DAW1: variants seen among roughly 807,000 people sequenced by gnomAD.
DAW1 encodes the protein dynein assembly factor with WD repeat domains 1.
DAW1 carries 47 observed loss-of-function variants against 56.5 expected under a neutral mutation model. That is an observed-to-expected ratio of 0.83 (90% confidence interval 0.66 to 1.06). The LOEUF (loss-of-function observed/expected upper bound fraction) is 1.06, where lower values mean the gene tolerates loss of function less well. Ranked by LOEUF, DAW1 falls within the 50% of genes least tolerant of loss-of-function variation. The pLI, the probability that DAW1 is intolerant of heterozygous loss-of-function variation, is 0.00. For missense variants in DAW1, 505 were observed against 499.3 expected (o/e 1.01, Z -0.11); for synonymous variants, 190 against 179.0 (o/e 1.06, Z -0.49).
chr2:227,898,115 C>T, intron 5 of DAW1, 67 bp from the exon 6 acceptor site: 3 of 1,030,202 alleles, frequency 2.9e-6, no homozygotes, highest in Non-Finnish European at 4.0e-6. Context: ...ATTAATATCT[C>T]ATCTTAGTTC....
At chr2:227,909,218 G>T (rs1232439748) in intron 10 of DAW1, among the ~76,000 whole-genome samples, 1 of 135,614 alleles carries the variant, frequency 7.4e-6, no homozygotes, top group East Asian at 2.2e-4. Context: ...ACCACCTTTA[G>T]AAAGGTGGTG....
chr2:227,915,134 T>C (rs73094404), intron 10 of DAW1, among the ~76,000 whole-genome samples: 2,995 of 152,224 alleles, frequency 0.02, 107 homozygotes, highest in African/African-American at 0.069. Flanking sequence ...GTATGTGTTA[T>C]GGTATAGTAT....
In DAW1 at chr2:227,921,415, A is replaced by C. The variant is rs760416109; in HGVS notation, c.1067A>C (p.Gln356Pro). 1 of 1,604,382 alleles carries C rather than the reference A, an allele frequency of 6.2e-7. No homozygotes were observed. The highest frequency in any genetic ancestry group is 8.5e-7 in the Non-Finnish European group (1 of 1,176,544). Reference sequence around the variant, plus strand: ...CTTTTGCAGATTTCTTTCAACCCTCAAGGGAACCATCTTCTAACTGGCAGC... The same window carrying C: ...CTTTTGCAGATTTCTTTCAACCCTCCAGGGAACCATCTTCTAACTGGCAGC... ...GEISKISFNP[Q>P]GNHLLTGSSD... The change falls in exon 12 of 13, where the codon CAA becomes CCA. Residue 356 changes from glutamine (Q) to proline (P), a missense_variant. Coordinates refer to ENST00000309931, the MANE Select transcript of DAW1 (RefSeq NM_178821.3).
intron 1 of DAW1, among the ~76,000 whole-genome samples, chr2:227,879,072 C>T (rs1690950383): frequency 1.3e-5 from 2 of 152,144 alleles, no homozygotes; most frequent in African/African-American, 4.8e-5. Context: ...AGGCATGAGC[C>T]ACCATGCCTG....
chr2:227,902,985 C>T lies in DAW1; in HGVS notation c.541-17C>T. ...AACTCTGTCTTCCTAAAATTTCTCC[C>T]ATTTTATGTAATTTAGGTGTGTTTA... On this transcript the variant is annotated splice_polypyrimidine_tract_variant and intron_variant, in intron 6 of 12. Transcript: ENST00000309931. The T allele has an allele frequency of 6.2e-7, 1 of 1,610,754 alleles. No individual in the cohort carries two copies. The highest frequency in any genetic ancestry group is 8.5e-7 in the Non-Finnish European group (1 of 1,178,156).
At chr2:227,912,332 A>C (rs1246655685) in intron 10 of DAW1, 15 of 1,302,156 alleles carry the variant, frequency 1.2e-5, no homozygotes, top group Non-Finnish European at 1.5e-5. Flanking sequence ...TCCCAGGTTC[A>C]AGCGATTCTC....
Position 227,924,302 on chromosome 2 carries a change from G to T in DAW1, c.*334G>T. On this transcript the variant is annotated 3_prime_UTR_variant, in exon 13 of 13. Coordinates refer to ENST00000309931, the MANE Select transcript of DAW1 (RefSeq NM_178821.3). The stretch of plus-strand genomic sequence containing the variant: ...CGTGTCTCCTGGATTTTACTTTGAA[G>T]CCTATTGTTATAATTTCTGTTGAAT... 3.3e-6 allele frequency: 1 copy of T among 301,050 alleles called. No homozygotes were observed. The highest frequency in any genetic ancestry group is 2.1e-5 in the African/African-American group (1 of 47,334). 18.6% of individuals were successfully genotyped at this position (301,050 alleles called of 1,614,324 possible).
chr2:227,915,390 T>C (rs1691928733), intron 10 of DAW1, among the ~76,000 whole-genome samples: 1 of 152,118 alleles, frequency 6.6e-6, no homozygotes, highest in African/African-American at 2.4e-5. Context: ...TATATGCTAT[T>C]CTATATTTGC....
chr2:227,891,111 A>G (rs934110747), intron 3 of DAW1, 144 bp from the exon 4 acceptor site: 5 of 686,158 alleles, frequency 7.3e-6, no homozygotes, highest in African/African-American at 7.2e-5. Flanking sequence ...AAGATGCCAC[A>G]TAGCACTGTC....
At chr2:227,886,177 T>TATTAAAAA (rs895127445) in intron 2 of DAW1, among the ~76,000 whole-genome samples, 12 of 152,100 alleles carry the variant, frequency 7.9e-5, no homozygotes, top group African/African-American at 2.9e-4. Context: ...ATTAAATACT[T>TATTAAAAA]CATAGGGCTG....
chr2:227,911,378 A>T (rs888504966), intron 10 of DAW1, among the ~76,000 whole-genome samples: 1 of 147,746 alleles, frequency 6.8e-6, no homozygotes, highest in East Asian at 2.0e-4. Context: ...ATGATTATAT[A>T]TATTATATAT....
At position 227,893,449 on chromosome 2, in the gene DAW1, T is replaced by G. The variant is rs1036654614; in HGVS notation, c.318-346T>G. Among the ~76,000 whole-genome samples, 105 of 152,068 alleles carry G rather than the reference T, an allele frequency of 6.9e-4. 1 individual carries two copies. The highest frequency in any genetic ancestry group is 9.3e-4 in the Non-Finnish European group (63 of 67,976). On this transcript the variant is annotated intron_variant, in intron 4 of 12. Transcript: ENST00000309931. ...GGGAGGCTGAGGCAGGCGGGTCACT[T>G]AAGGTCAGTAGTTCAAGACCAGTCT...
At chr2:227,873,417 A>T (rs1403904853) in intron 1 of DAW1, among the ~76,000 whole-genome samples, 1 of 152,218 alleles carries the variant, frequency 6.6e-6, no homozygotes, top group Non-Finnish European at 1.5e-5. Context: ...TTGGTGACAC[A>T]GAAGATCAGG....
rs761247524 is a variant in DAW1 at position 227,921,478 on chromosome 2, G to C, written c.1130G>C (p.Gly377Ala). Residue 377 changes from glycine to alanine, a missense_variant, in exon 12 of 13, where the codon GGC becomes GCC. Coordinates refer to ENST00000309931, the MANE Select transcript of DAW1 (RefSeq NM_178821.3). Reference sequence around the variant, plus strand: ...GCTAGAATCTGGGATGCTCAGACTGGCCAGTGCCTCCAGGTTCTTGAGGGG... The same window carrying C: ...GCTAGAATCTGGGATGCTCAGACTGCCCAGTGCCTCCAGGTTCTTGAGGGG... ...KTARIWDAQT[G>A]QCLQVLEGHT... 3 of 1,613,850 alleles carry C rather than the reference G, an allele frequency of 1.9e-6. No individual in the cohort carries two copies. Among genetic ancestry groups the C allele is most frequent in the Non-Finnish European group, 8.5e-7 (1 of 1,180,000 alleles).
intron 7 of DAW1, among the ~76,000 whole-genome samples, chr2:227,903,988 G>A (rs920498185): frequency 5.4e-5 from 8 of 147,724 alleles, no homozygotes; most frequent in Non-Finnish European, 1.0e-4. Context: ...TTCTTTTTTC[G>A]TTTTTTTTTT....
At chr2:227,885,039 G>A (rs6741571) in intron 1 of DAW1, among the ~76,000 whole-genome samples, 80,593 of 151,798 alleles carry the variant, frequency 0.53, 21,662 homozygotes, top group Admixed American at 0.62. Context: ...AAGAAAATCC[G>A]GGAATCTCAC....
At chr2:227,893,324 A>G (rs1691318821) in intron 4 of DAW1, among the ~76,000 whole-genome samples, 1 of 151,066 alleles carries the variant, frequency 6.6e-6, no homozygotes, top group African/African-American at 2.4e-5. Context: ...CAATTTAGAC[A>G]TTGTTCTCAA....
intron 2 of DAW1, among the ~76,000 whole-genome samples, chr2:227,888,635 CA>C (rs1265018018): frequency 1.3e-5 from 2 of 152,210 alleles, no homozygotes; most frequent in Non-Finnish European, 2.9e-5. Flanking sequence ...TAGAAGCTGT[CA>C]GGCAACAAAG....
intron 10 of DAW1, 147 bp downstream of exon 10, chr2:227,907,399 C>T: frequency 1.6e-6 from 1 of 625,786 alleles, no homozygotes; most frequent in Non-Finnish European, 2.7e-6. Flanking sequence ...ATGTATGGCA[C>T]AATAGTGTGT....
Sources: gnomAD v4.1 joint callset for allele counts (sites outside exome capture counted in the v4.1 genomes callset) on GRCh38, gnomAD v4.1.1 for gene constraint, MANE v1.5 for transcripts, NCBI Gene and HGNC (gene_info 2026-07-23, HGNC 2026-07-21) for gene names.